The following GRIA2 variants were observed in gnomAD, a reference collection of about 807,000 sequenced individuals.
GRIA2 encodes glutamate ionotropic receptor AMPA type subunit 2.
In GRIA2, 14 loss-of-function variants were observed where a neutral mutation model predicts 97.3. The ratio of observed to expected loss-of-function variants is 0.14; its 90% CI spans 0.10 to 0.23. GRIA2 has a LOEUF of 0.23. GRIA2 is among the 10% of genes least tolerant of loss of function. GRIA2 has a pLI of 1.00. For synonymous variants in GRIA2, 412 were observed against 387.8 expected, an observed-to-expected ratio of 1.06 and a Z score of -0.73; for missense variants, 558 against 1,069.8, an observed-to-expected ratio of 0.52 and a Z score of 6.67.
At chr4:157,325,486 C>A (rs113183793) in intron 6 of GRIA2, among the ~76,000 whole-genome samples, 10,927 of 152,176 alleles carry the variant, frequency 0.072, 492 homozygotes, top group Non-Finnish European at 0.11. Flanking sequence ...AGAGAAAAGA[C>A]AAAGTTCTGG....
intron 12 of GRIA2, among the ~76,000 whole-genome samples, chr4:157,356,218 G>T (rs1008785504): frequency 6.2e-5 from 8 of 129,480 alleles, no homozygotes; most frequent in African/African-American, 2.3e-4. Context: ...TATTTATATA[G>T]AGAGAGAGAG....
chr4:157,336,379 A>G lies in GRIA2; in HGVS notation c.1476A>G (p.Lys492=). 1 of 1,538,624 alleles carries G rather than the reference A, an allele frequency of 6.5e-7. No homozygotes were observed. Among genetic ancestry groups the G allele is most frequent in the Non-Finnish European group, 8.7e-7 (1 of 1,144,812 alleles). Residue 492 remains lysine, a splice_region_variant and synonymous_variant, in exon 11 of 16, where the codon AAA becomes AAG. Coordinates refer to ENST00000264426, the MANE Select transcript of GRIA2 (RefSeq NM_001083619.3). Reference sequence around the variant, plus strand: ...ACTTTCCTTTTTTTCCCTTACAGAAAGCTGATATTGCAATTGCTCCATTAA... The same window carrying G: ...ACTTTCCTTTTTTTCCCTTACAGAAGGCTGATATTGCAATTGCTCCATTAA... ...NGMVGELVYG[K]ADIAIAPLTI...
chr4:157,345,803 T>C (rs1192032654), intron 12 of GRIA2, among the ~76,000 whole-genome samples: 1 of 152,146 alleles, frequency 6.6e-6, no homozygotes, highest in African/African-American at 2.4e-5. Context: ...TCTAAATATA[T>C]GGTCTACTTT....
chr4:157,363,038 A>C lies in GRIA2; in HGVS notation c.2646A>C (p.Lys882Asn), dbSNP rs1736705213. 1.2e-6 allele frequency: 2 copies of C among 1,610,470 alleles called. No individual in the cohort carries two copies. Among genetic ancestry groups the C allele is most frequent in the Admixed American group, 1.7e-5 (1 of 59,776 alleles). ...ACGTATATGGCATCGAAAGTGTTAAAATTTAGGGGGTAGGAACGAGGCTCT... is the reference window on the plus strand; with the variant it reads ...ACGTATATGGCATCGAAAGTGTTAACATTTAGGGGGTAGGAACGAGGCTCT... Reference protein sequence around the residue: ...GYNVYGIESVKI With the variant: ...GYNVYGIESVNI The change falls in exon 15 of 16, where the codon AAA becomes AAC. Residue 882 changes from lysine (K) to asparagine (N), a missense_variant. Lys to Asn is a moderately conservative substitution (Grantham distance 94, BLOSUM62 0). This residue lies in a region of GRIA2 where 54 missense variants were observed against 82.1 expected (regional missense o/e 0.66). Transcript: ENST00000264426.
At chr4:157,220,450 A>T (rs1288415355), upstream of GRIA2, 1 of 152,068 alleles carries the variant, frequency 6.6e-6, no homozygotes, top group African/African-American at 2.4e-5. Flanking sequence ...CGGAGACCCG[A>T]GGTCTCGCGG....
intron 6 of GRIA2, among the ~76,000 whole-genome samples, chr4:157,331,160 A>C (rs1300345066): frequency 6.6e-6 from 1 of 151,944 alleles, no homozygotes; most frequent in Non-Finnish European, 1.5e-5. Context: ...TTAAGACTTG[A>C]TTAGTTTTGA....
intron 2 of GRIA2, among the ~76,000 whole-genome samples, chr4:157,289,531 A>G (rs568022028): frequency 6.6e-6 from 1 of 152,000 alleles, no homozygotes; most frequent in East Asian, 1.9e-4. Flanking sequence ...GTAAAATTCA[A>G]GATTCTTAAG....
intron 2 of GRIA2, among the ~76,000 whole-genome samples, chr4:157,257,821 A>G (rs1172647428): frequency 6.6e-6 from 1 of 152,120 alleles, no homozygotes; most frequent in East Asian, 1.9e-4. Context: ...CTGTTGCGGG[A>G]AGTCAGGGAC....
intron 9 of GRIA2, 78 bp from the exon 10 acceptor site, chr4:157,335,593 A>G: frequency 1.2e-6 from 1 of 855,576 alleles, no homozygotes; most frequent in South Asian, 1.5e-5. Context: ...TAATAATTAA[A>G]CCAGAAGATT....
chr4:157,322,612 G>A (rs890984244), intron 6 of GRIA2, among the ~76,000 whole-genome samples: 4 of 152,152 alleles, frequency 2.6e-5, no homozygotes, highest in Admixed American at 2.0e-4. Context: ...TAACCTTATT[G>A]AGAGCAGAGT....
chr4:157,295,177 C>T (rs17035947), intron 2 of GRIA2, among the ~76,000 whole-genome samples: 3,059 of 152,106 alleles, frequency 0.02, 106 homozygotes, highest in African/African-American at 0.07. Context: ...AATAAACTTT[C>T]GCCATTTTAC....
chr4:157,270,133 T>C (rs1222962130), intron 2 of GRIA2, among the ~76,000 whole-genome samples: 1 of 152,164 alleles, frequency 6.6e-6, no homozygotes, highest in African/African-American at 2.4e-5. Flanking sequence ...TGTATAACTT[T>C]TAATTTCATA....
chr4:157,323,058 G>A (rs918613085), intron 6 of GRIA2, among the ~76,000 whole-genome samples: 25 of 151,930 alleles, frequency 1.6e-4, no homozygotes, highest in African/African-American at 5.1e-4. Flanking sequence ...ATTTGTGGCC[G>A]GGCGCAGTGG....
chr4:157,357,413 G>C (rs1446195709), intron 12 of GRIA2, among the ~76,000 whole-genome samples: 1 of 152,114 alleles, frequency 6.6e-6, no homozygotes, highest in African/African-American at 2.4e-5. Context: ...AAAGGGAACA[G>C]TAAACTAAAA....
At position 157,312,758 on chromosome 4, in the gene GRIA2, T is replaced by A. The variant is rs1252316201; in HGVS notation, c.549T>A (p.Ile183=). ...TGACTGCTATCAATGTGGGAAACAT[T>A]AACAATGACAAGAAAGATGAGATGT... ...WQVTAINVGN[I]NNDKKDEMYR... Residue 183 remains isoleucine, a synonymous_variant, in exon 4 of 16, where the codon ATT becomes ATA. Coordinates refer to ENST00000264426, the MANE Select transcript of GRIA2 (RefSeq NM_001083619.3). The A allele has an allele frequency of 6.2e-7, 1 of 1,609,210 alleles. No individual in the cohort carries two copies. The highest frequency in any genetic ancestry group is 8.5e-7 in the Non-Finnish European group (1 of 1,176,026).
intron 6 of GRIA2, among the ~76,000 whole-genome samples, chr4:157,327,316 G>A (rs959931203): frequency 3.9e-5 from 6 of 152,042 alleles, no homozygotes; most frequent in Non-Finnish European, 7.4e-5. Flanking sequence ...TTATTGTGAT[G>A]AAATATGATT....
intron 2 of GRIA2, among the ~76,000 whole-genome samples, chr4:157,270,936 T>G (rs184226913): frequency 3.2e-4 from 48 of 151,960 alleles, no homozygotes; most frequent in Admixed American, 2.4e-3. Context: ...TTTTTTTTTT[T>G]GCATTGTACA....
At chr4:157,311,830 A>C (rs1225271921) in intron 3 of GRIA2, among the ~76,000 whole-genome samples, 1 of 152,004 alleles carries the variant, frequency 6.6e-6, no homozygotes, top group African/African-American at 2.4e-5. Context: ...TTTATGTAGC[A>C]TGTCTCCAAG....
chr4:157,303,853 C>T, intron 3 of GRIA2, 62 bp downstream of exon 3: 1 of 1,519,292 alleles, frequency 6.6e-7, no homozygotes, highest in South Asian at 1.1e-5. Context: ...CTTGACACTT[C>T]TATGGATGTT....
Sources: allele counts gnomAD v4.1 joint callset (sites outside exome capture counted in the v4.1 genomes callset), GRCh38; gene constraint gnomAD v4.1.1; regional missense constraint gnomAD v4.1.1; transcripts MANE v1.5; gene names NCBI Gene and HGNC (gene_info 2026-07-23, HGNC 2026-07-21).